RAMP2: variants seen among roughly 807,000 people sequenced by gnomAD.
The protein encoded by RAMP2 is receptor activity modifying protein 2, also known as receptor activity-modifying protein 2.
Under a neutral mutation model 18.2 loss-of-function variants are expected in RAMP2, and 11 were observed. The ratio of observed to expected loss-of-function variants is 0.60; its 90% CI spans 0.38 to 1.00. The LOEUF (loss-of-function observed/expected upper bound fraction) is 1.00, where lower values mean the gene tolerates loss of function less well. Ranked by LOEUF, RAMP2 falls within the 50% of genes least tolerant of loss-of-function variation. The probability of loss-of-function intolerance (pLI) is 0.01; values close to 1 mark genes in which losing one functional copy is unlikely to be tolerated. For synonymous variants in RAMP2, 86 were observed against 90.8 expected (o/e 0.95, Z 0.30); for missense variants, 191 against 226.5 (o/e 0.84, Z 1.01).
Position 42,762,969 on chromosome 17 carries a change from C to A in RAMP2, c.*117C>A. On this transcript the variant is annotated 3_prime_UTR_variant, in exon 4 of 4. Coordinates refer to ENST00000253796, the MANE Select transcript of RAMP2 (RefSeq NM_005854.3). The stretch of plus-strand genomic sequence containing the variant: ...ATCCCCACCACAGATCCCTGGATTG[C>A]TGGGAATGGAAGCCAGGTGGGGTCA... 2 of 1,250,826 alleles carry A rather than the reference C, an allele frequency of 1.6e-6. No homozygotes were observed. The highest frequency in any genetic ancestry group is 1.5e-5 in the African/African-American group (1 of 66,362). 77.5% of individuals were successfully genotyped at this position (1,250,826 alleles called of 1,614,324 possible). A position where few individuals can be genotyped will look rare whatever the true frequency, so the allele number is the denominator to read the frequency against.
At position 42,761,850 on chromosome 17, in the gene RAMP2, C is replaced by T. The variant is rs2054367288; in HGVS notation, c.114C>T (p.His38=). The T allele has an allele frequency of 1.3e-6, 2 of 1,591,602 alleles. No homozygotes were observed. Among genetic ancestry groups the T allele is most frequent in the African/African-American group, 2.7e-5 (2 of 74,510 alleles). Residue 38 remains histidine (H), a synonymous_variant, in exon 2 of 4, where the codon CAC becomes CAT. Transcript: ENST00000253796. This position sits in a 1 kb window ranked among gnomAD's most constrained non-coding sequence, Gnocchi z 4.2. ...TTCCCACAGCTGTCCTGAATCCCCA[C>T]GAGGCCCTGGCTCAGCCTCTTCCCA... is the stretch of plus-strand genomic sequence containing the variant. The part of the protein sequence containing the change: ...LLLLGAVLNP[H]EALAQPLPTT...
chr17:42,762,203 G>C (rs1413833080), intron 2 of RAMP2, 152 bp from the exon 3 acceptor site: 1 of 1,168,656 alleles, frequency 8.6e-7, no homozygotes, highest in Admixed American at 2.0e-5. Flanking sequence ...TCCTGAGCTG[G>C]GACTCTGTCC....
rs1023289003 is a variant in RAMP2, at chr17:42,761,290, G to A, written c.29G>A (p.Gly10Asp). The A allele has an allele frequency of 5.9e-6, 8 of 1,365,226 alleles. No homozygotes were observed. The highest frequency in any genetic ancestry group is 7.5e-6 in the Non-Finnish European group (8 of 1,059,954). 84.6% of individuals were successfully genotyped at this position (1,365,226 alleles called of 1,614,324 possible). ...GCCTCGCTCCGGGTGGAGCGCGCCG[G>A]CGGCCCGCGTCTCCCTAGGACCCGA... The part of the protein sequence containing the change: MASLRVERA[G>D]GPRLPRTRVG... Residue 10 changes from glycine to aspartate, a missense_variant, in exon 1 of 4, where the codon GGC becomes GAC. Physicochemically the swap from Gly to Asp is moderately conservative, Grantham distance 94. Coordinates refer to ENST00000253796, the MANE Select transcript of RAMP2 (RefSeq NM_005854.3). This position sits in a 1 kb window ranked among gnomAD's most constrained non-coding sequence, Gnocchi z 4.2.
At position 42,761,448 on chromosome 17, in the gene RAMP2, C is replaced by G; in HGVS notation, c.97+90C>G. 9.2e-7 allele frequency: 1 copy of G among 1,087,218 alleles called. No individual in the cohort carries two copies. The highest frequency in any genetic ancestry group is 1.2e-6 in the Non-Finnish European group (1 of 828,954). 67.3% of individuals were successfully genotyped at this position (1,087,218 alleles called of 1,614,324 possible). A position where few individuals can be genotyped will look rare whatever the true frequency, so the allele number is the denominator to read the frequency against. On this transcript the variant is annotated intron_variant, in intron 1 of 3. Transcript: ENST00000253796. The surrounding 1 kb of genome is among the most constrained non-coding windows in gnomAD (Gnocchi z 4.2). The stretch of plus-strand genomic sequence containing the variant: ...GGGAGAGGGGCTGGATGGCCGAGGC[C>G]GGAACGGGCCCTGGGGTGCGGGTTA...
chr17:42,762,241 T>G, intron 2 of RAMP2, 114 bp from the exon 3 acceptor site: 1 of 1,514,712 alleles, frequency 6.6e-7, no homozygotes, highest in Non-Finnish European at 9.1e-7. Context: ...CTAGGGAAAC[T>G]TTCTGAAGGG....
chr17:42,761,350 T>C lies in RAMP2; in HGVS notation c.89T>C (p.Leu30Pro). Residue 30 changes from leucine to proline, a missense_variant, in exon 1 of 4, where the codon CTG (leucine) becomes CCG (proline). Leu to Pro is a moderately conservative substitution (Grantham distance 98, BLOSUM62 -3). Coordinates refer to ENST00000253796, the MANE Select transcript of RAMP2 (RefSeq NM_005854.3). The surrounding 1 kb of genome is among the most constrained non-coding windows in gnomAD (Gnocchi z 4.2). ...GRPAALRLLLLLGAVLNPHEA... is the reference protein window; with the variant it reads ...GRPAALRLLLPLGAVLNPHEA... ...CCGGCAGCGCTCCGCCTCCTCCTCC[T>C]GCTGGGCGGTGAGCGCGGCGCCCCG... The C allele has an allele frequency of 7.5e-7, 1 of 1,336,594 alleles. No individual in the cohort carries two copies. Among genetic ancestry groups the C allele is most frequent in the East Asian group, 3.1e-5 (1 of 32,274 alleles). The allele number at this position is 1,336,594 out of a possible 1,614,324, so 82.8% of individuals were successfully genotyped here. A position where few individuals can be genotyped will look rare whatever the true frequency, so the allele number is the denominator to read the frequency against.
At position 42,762,684 on chromosome 17, in the gene RAMP2, C is replaced by T; in HGVS notation, c.360C>T (p.Ile120=). The T allele has an allele frequency of 6.2e-7, 1 of 1,614,116 alleles. No individual in the cohort carries two copies. The highest frequency in any genetic ancestry group is 8.5e-7 in the Non-Finnish European group (1 of 1,179,978). Reference sequence around the variant, plus strand: ...CCAATCCCTTGGCAGAGAGGATCATCTTTGAGACTCACCAGATCCACTTTG... The same window carrying T: ...CCAATCCCTTGGCAGAGAGGATCATTTTTGAGACTCACCAGATCCACTTTG... ...GFPNPLAERI[I]FETHQIHFAN... Residue 120 remains isoleucine (I), a synonymous_variant, in exon 4 of 4, where the codon ATC becomes ATT. Coordinates refer to ENST00000253796, the MANE Select transcript of RAMP2 (RefSeq NM_005854.3).
At position 42,763,026 on chromosome 17, in the gene RAMP2, CT is replaced by C. The variant is rs992343355; in HGVS notation, c.*183del. 259 of 746,206 alleles carry C rather than the reference CT, an allele frequency of 3.5e-4. 2 individuals are homozygous for C. The highest frequency in any genetic ancestry group is 8.0e-4 in the South Asian group (31 of 38,574). 46.2% of individuals were successfully genotyped at this position (746,206 alleles called of 1,614,324 possible). The stretch of plus-strand genomic sequence containing the variant: ...AAGTTCTGTAATCTTCAAAATAAAA[CT>C]TTTTTTTTGTACAATGTCCTTCTCC... On this transcript the variant is annotated 3_prime_UTR_variant, in exon 4 of 4. Coordinates refer to ENST00000253796, the MANE Select transcript of RAMP2 (RefSeq NM_005854.3).
chr17:42,763,027 T>A lies in RAMP2; in HGVS notation c.*175T>A. On this transcript the variant is annotated 3_prime_UTR_variant, in exon 4 of 4. Coordinates refer to ENST00000253796, the MANE Select transcript of RAMP2 (RefSeq NM_005854.3). ...AGTTCTGTAATCTTCAAAATAAAAC[T>A]TTTTTTTTGTACAATGTCCTTCTCC... 3.0e-6 allele frequency: 2 copies of A among 669,052 alleles called. No individual in the cohort carries two copies. The allele number at this position is 669,052 out of a possible 1,614,324, so 41.4% of individuals were successfully genotyped here.
chr17:42,762,288 C>T, intron 2 of RAMP2, 67 bp from the exon 3 acceptor site: 2 of 1,606,780 alleles, frequency 1.2e-6, no homozygotes, highest in Non-Finnish European at 1.7e-6. Context: ...ACCTTGCAAG[C>T]ACCTGGGCAG....
At position 42,761,723 on chromosome 17, in the gene RAMP2, T is replaced by C. The variant is rs540401240; in HGVS notation, c.98-111T>C. On this transcript the variant is annotated intron_variant, in intron 1 of 3. Transcript: ENST00000253796. This position sits in a 1 kb window ranked among gnomAD's most constrained non-coding sequence, Gnocchi z 4.2. The stretch of plus-strand genomic sequence containing the variant: ...CCGTGGGGGCTAGATTATTCCTCCT[T>C]TTCTTCCAAGGTAGCCTATTTTCGG... The C allele has an allele frequency of 1.1e-4, 106 of 931,790 alleles. No individual in the cohort carries two copies. In the African/African-American group the frequency reaches 1.7e-3, roughly 15 times the overall value. The allele number at this position is 931,790 out of a possible 1,614,324, so 57.7% of individuals were successfully genotyped here. A position where few individuals can be genotyped will look rare whatever the true frequency, so the allele number is the denominator to read the frequency against.
chr17:42,761,291 C>T lies in RAMP2; in HGVS notation c.30C>T (p.Gly10=). 1 of 1,348,878 alleles carries T rather than the reference C, an allele frequency of 7.4e-7. No homozygotes were observed. The highest frequency in any genetic ancestry group is 9.5e-7 in the Non-Finnish European group (1 of 1,049,818). 83.6% of individuals were successfully genotyped at this position (1,348,878 alleles called of 1,614,324 possible). Residue 10 remains glycine (G), a synonymous_variant, in exon 1 of 4, where the codon GGC becomes GGT. Coordinates refer to ENST00000253796, the MANE Select transcript of RAMP2 (RefSeq NM_005854.3). This position sits in a 1 kb window ranked among gnomAD's most constrained non-coding sequence, Gnocchi z 4.2. ...CCTCGCTCCGGGTGGAGCGCGCCGG[C>T]GGCCCGCGTCTCCCTAGGACCCGAG... MASLRVERA[G]GPRLPRTRVG...
Position 42,761,843 on chromosome 17 carries a change from A to G in RAMP2, c.107A>G (p.Asn36Ser). 3 of 1,587,154 alleles carry G rather than the reference A, an allele frequency of 1.9e-6. No individual in the cohort carries two copies. Among genetic ancestry groups the G allele is most frequent in the Non-Finnish European group, 1.7e-6 (2 of 1,155,650 alleles). Reference sequence around the variant, plus strand: ...CCGTTTCTTCCCACAGCTGTCCTGAATCCCCACGAGGCCCTGGCTCAGCCT... The same window carrying G: ...CCGTTTCTTCCCACAGCTGTCCTGAGTCCCCACGAGGCCCTGGCTCAGCCT... ...RLLLLLGAVL[N>S]PHEALAQPLP... Residue 36 changes from asparagine to serine, a missense_variant, in exon 2 of 4, where the codon AAT becomes AGT. By Grantham distance (46) the Asn-to-Ser change is conservative (BLOSUM62 1). Coordinates refer to ENST00000253796, the MANE Select transcript of RAMP2 (RefSeq NM_005854.3). This position sits in a 1 kb window ranked among gnomAD's most constrained non-coding sequence, Gnocchi z 4.2.
At position 42,761,642 on chromosome 17, in the gene RAMP2, TG is replaced by T. The variant is rs1016771988; in HGVS notation, c.98-189del. The stretch of plus-strand genomic sequence containing the variant: ...GCCAGAGATGAGGGGGCTTTGGGCC[TG>T]GGTGTGAGTGACAAGGAGCTGGTGC... On this transcript the variant is annotated intron_variant, in intron 1 of 3. Transcript: ENST00000253796. The surrounding 1 kb of genome is among the most constrained non-coding windows in gnomAD (Gnocchi z 4.2). 2.0e-5 allele frequency among the ~76,000 whole-genome samples: 3 copies of T among 152,078 alleles called. No individual in the cohort carries two copies. The highest frequency in any genetic ancestry group is 7.2e-5 in the African/African-American group (3 of 41,412).
rs2054367519 is a variant in RAMP2 at position 42,761,888 on chromosome 17, C to T, written c.152C>T (p.Pro51Leu). 12 of 1,581,742 alleles carry T rather than the reference C, an allele frequency of 7.6e-6. No individual in the cohort carries two copies. The East Asian group carries it at 2.7e-4, about 35-fold the overall frequency. The change falls in exon 2 of 4, where the codon CCA (proline) becomes CTA (leucine). Residue 51 changes from proline to leucine, a missense_variant. Pro to Leu is a moderately conservative substitution (Grantham distance 98). Coordinates refer to ENST00000253796, the MANE Select transcript of RAMP2 (RefSeq NM_005854.3). This position sits in a 1 kb window ranked among gnomAD's most constrained non-coding sequence, Gnocchi z 4.2. ...CAGCCTCTTCCCACCACAGGCACAC[C>T]AGGGTCAGAAGGTGGGTACCCAGGG... Reference protein sequence around the residue: ...LAQPLPTTGTPGSEGGTVKNY... With the variant: ...LAQPLPTTGTLGSEGGTVKNY...
chr17:42,763,031 T>A lies in RAMP2; in HGVS notation c.*179T>A. The A allele has an allele frequency of 1.4e-6, 1 of 693,616 alleles. No homozygotes were observed. The highest frequency in any genetic ancestry group is 2.2e-6 in the Non-Finnish European group (1 of 444,498). 43.0% of individuals were successfully genotyped at this position (693,616 alleles called of 1,614,324 possible). A position where few individuals can be genotyped will look rare whatever the true frequency, so the allele number is the denominator to read the frequency against. On this transcript the variant is annotated 3_prime_UTR_variant, in exon 4 of 4. Coordinates refer to ENST00000253796, the MANE Select transcript of RAMP2 (RefSeq NM_005854.3). ...CTGTAATCTTCAAAATAAAACTTTT[T>A]TTTTGTACAATGTCCTTCTCCCCAT...
intron 2 of RAMP2, 101 bp from the exon 3 acceptor site, chr17:42,762,254 C>A: frequency 6.4e-7 from 1 of 1,563,484 alleles, no homozygotes. Flanking sequence ...CTGAAGGGTT[C>A]CCACGTTTGA....
rs780638260 is a variant in RAMP2 at position 42,761,890 on chromosome 17, G to C, written c.154G>C (p.Gly52Arg). The change falls in exon 2 of 4, where the codon GGG (glycine) becomes CGG (arginine). Residue 52 changes from glycine to arginine, a missense_variant. By Grantham distance (125) the Gly-to-Arg change is moderately radical (BLOSUM62 -2). Coordinates refer to ENST00000253796, the MANE Select transcript of RAMP2 (RefSeq NM_005854.3). This position sits in a 1 kb window ranked among gnomAD's most constrained non-coding sequence, Gnocchi z 4.2. ...GCCTCTTCCCACCACAGGCACACCA[G>C]GGTCAGAAGGTGGGTACCCAGGGTG... ...AQPLPTTGTP[G>R]SEGGTVKNYE... is the part of the protein sequence containing the mutation. 1 of 1,578,710 alleles carries C rather than the reference G, an allele frequency of 6.3e-7. No individual in the cohort carries two copies. The highest frequency in any genetic ancestry group is 1.7e-5 in the Admixed American group (1 of 59,918).
rs1486996275 is a variant in RAMP2 at position 42,761,236 on chromosome 17, G to A, written c.-26G>A. On this transcript the variant is annotated 5_prime_UTR_variant, in exon 1 of 4. Coordinates refer to ENST00000253796, the MANE Select transcript of RAMP2 (RefSeq NM_005854.3). The surrounding 1 kb of genome is among the most constrained non-coding windows in gnomAD (Gnocchi z 4.2). ...CACCCGGGCCCGGCTCAGCGCCGCC[G>A]CCGCTCCTCGCCTCCTTGCTGCACG... The A allele has an allele frequency of 6.9e-7, 1 of 1,439,180 alleles. No homozygotes were observed. Among genetic ancestry groups the A allele is most frequent in the East Asian group, 3.1e-5 (1 of 32,288 alleles). 89.2% of individuals were successfully genotyped at this position (1,439,180 alleles called of 1,614,324 possible). A position where few individuals can be genotyped will look rare whatever the true frequency, so the allele number is the denominator to read the frequency against.
Sources: gnomAD v4.1 joint callset for allele counts (sites outside exome capture counted in the v4.1 genomes callset) on GRCh38, gnomAD v4.1.1 for gene constraint, Gnocchi (gnomAD v3.1) non-coding constraint, MANE v1.5 for transcripts, NCBI Gene and HGNC (gene_info 2026-07-23, HGNC 2026-07-21) for gene names.